Variants in ADGRB3 observed in about 807,000 individuals in gnomAD.
ADGRB3 encodes the protein brain-specific angiogenesis inhibitor 3.
Under a neutral mutation model 193.4 loss-of-function variants are expected in ADGRB3, and 37 were observed. The observed-to-expected ratio is 0.19, with a 90% CI of 0.15 to 0.25. The LOEUF is 0.25. ADGRB3 is among the 10% of genes least tolerant of loss of function. The pLI is 1.00. For missense variants in ADGRB3, 1,637 were observed against 1,852.9 expected (o/e 0.88, Z 2.14); for synonymous variants, 690 against 644.2 (o/e 1.07, Z -1.08).
At chr6:69,202,754 G>C (rs368739964) in intron 17 of ADGRB3, among the ~76,000 whole-genome samples, 2 of 152,016 alleles carry the variant, frequency 1.3e-5, no homozygotes, top group Non-Finnish European at 2.9e-5. Context: ...AAGAACAGAG[G>C]GCATTTGAGA....
At chr6:68,956,447 G>A (rs1768078405) in intron 7 of ADGRB3, among the ~76,000 whole-genome samples, 198 bp from the exon 8 acceptor site, 1 of 152,100 alleles carries the variant, frequency 6.6e-6, no homozygotes, top group African/African-American at 2.4e-5. Flanking sequence ...GTTTAGCACT[G>A]AGCTTGCACT....
At chr6:68,727,135 A>T (rs908368340) in intron 3 of ADGRB3, among the ~76,000 whole-genome samples, 2 of 151,584 alleles carry the variant, frequency 1.3e-5, no homozygotes, top group Non-Finnish European at 3.0e-5. Flanking sequence ...CAGCTTTGTC[A>T]TTCAATGATG....
At chr6:68,981,597 C>T (rs897727190) in intron 10 of ADGRB3, among the ~76,000 whole-genome samples, 1 of 151,550 alleles carries the variant, frequency 6.6e-6, no homozygotes, top group Non-Finnish European at 1.5e-5. Context: ...ATACTTTAGA[C>T]TTTACATGCC....
At chr6:68,937,095 T>G (rs1767505985) in intron 5 of ADGRB3, among the ~76,000 whole-genome samples, 1 of 152,212 alleles carries the variant, frequency 6.6e-6, no homozygotes, top group African/African-American at 2.4e-5. Flanking sequence ...GCAGTTTTTC[T>G]ATCACTTATC....
chr6:69,191,148 A>G (rs1765177973), intron 17 of ADGRB3, among the ~76,000 whole-genome samples: 1 of 152,204 alleles, frequency 6.6e-6, no homozygotes, highest in African/African-American at 2.4e-5. Flanking sequence ...TCCAAATATT[A>G]TGATTCTCAT....
At chr6:69,186,050 A>G (rs1323064824) in intron 17 of ADGRB3, among the ~76,000 whole-genome samples, 1 of 152,030 alleles carries the variant, frequency 6.6e-6, no homozygotes, top group Admixed American at 6.6e-5. Flanking sequence ...CTGGTAACCA[A>G]TTAGCTTTGC....
At chr6:69,268,250 T>C (rs1364750930) in intron 20 of ADGRB3, among the ~76,000 whole-genome samples, 1 of 152,174 alleles carries the variant, frequency 6.6e-6, no homozygotes, top group Middle Eastern at 3.2e-3. Flanking sequence ...GTTTTCGTAA[T>C]TCACAATTAT....
At chr6:68,816,704 A>G (rs1393539124) in intron 3 of ADGRB3, among the ~76,000 whole-genome samples, 1 of 152,048 alleles carries the variant, frequency 6.6e-6, no homozygotes, top group African/African-American at 2.4e-5. Flanking sequence ...TTTGCCTTAA[A>G]ATTATTAATA....
intron 3 of ADGRB3, among the ~76,000 whole-genome samples, chr6:68,679,106 A>G (rs911059666): frequency 2.0e-5 from 3 of 152,194 alleles, no homozygotes; most frequent in African/African-American, 7.2e-5. Flanking sequence ...TCTAAATTAT[A>G]TAGGAGTCAT....
chr6:69,177,199 C>T (rs1340521443), intron 17 of ADGRB3, among the ~76,000 whole-genome samples: 1 of 151,972 alleles, frequency 6.6e-6, no homozygotes, highest in Non-Finnish European at 1.5e-5. Context: ...TCTAGTTCTT[C>T]TGGCTGTGAT....
chr6:69,076,047 C>T lies in ADGRB3; in HGVS notation c.2480+9C>T. On this transcript the variant is annotated intron_variant, in intron 17 of 31. Coordinates refer to ENST00000370598, the MANE Select transcript of ADGRB3 (RefSeq NM_001704.3). ...TGGGATGACTCCAAAACGTAAGTGA[C>T]AGATGTTTTCCTACATTACTTTGGG... is the stretch of plus-strand genomic sequence containing the variant. 6.2e-7 allele frequency: 1 copy of T among 1,610,330 alleles called. No homozygotes were observed. The highest frequency in any genetic ancestry group is 8.5e-7 in the Non-Finnish European group (1 of 1,177,794).
chr6:69,035,716 T>A (rs1770848808), intron 13 of ADGRB3, among the ~76,000 whole-genome samples: 1 of 152,134 alleles, frequency 6.6e-6, no homozygotes, highest in Non-Finnish European at 1.5e-5. Context: ...GTTGTTTTAA[T>A]TTAGATAGGG....
chr6:68,845,920 G>A (rs182975590), intron 3 of ADGRB3, among the ~76,000 whole-genome samples: 106 of 152,262 alleles, frequency 7.0e-4, no homozygotes, highest in African/African-American at 2.4e-3. Context: ...GAATGATTTC[G>A]AGGGCTCAGA....
chr6:69,150,375 C>T (rs1383838320), intron 17 of ADGRB3, among the ~76,000 whole-genome samples: 1 of 152,126 alleles, frequency 6.6e-6, no homozygotes, highest in African/African-American at 2.4e-5. Context: ...AAAGTCTTTC[C>T]CCACAAACAC....
At chr6:68,874,317 C>G (rs1765532425) in intron 3 of ADGRB3, among the ~76,000 whole-genome samples, 1 of 151,988 alleles carries the variant, frequency 6.6e-6, no homozygotes, top group Non-Finnish European at 1.5e-5. Context: ...TTATTACATT[C>G]ACAGGTAACT....
At chr6:69,289,810 C>T (rs137880893) in intron 20 of ADGRB3, among the ~76,000 whole-genome samples, 162 of 151,604 alleles carry the variant, frequency 1.1e-3, no homozygotes, top group African/African-American at 3.8e-3. Context: ...TGTTCATCAC[C>T]GACTAAGGTG....
chr6:69,067,059 C>T (rs893352281), intron 16 of ADGRB3, among the ~76,000 whole-genome samples: 5 of 152,028 alleles, frequency 3.3e-5, no homozygotes, highest in Non-Finnish European at 7.4e-5. Flanking sequence ...CTTTGCAAGC[C>T]TGAAAATGCA....
intron 17 of ADGRB3, among the ~76,000 whole-genome samples, chr6:69,153,527 A>G (rs1162876378): frequency 6.6e-6 from 1 of 152,190 alleles, no homozygotes; most frequent in East Asian, 1.9e-4. Context: ...AGAAATGGGT[A>G]GTTCTTTTTC....
chr6:69,202,636 T>A (rs948703965), intron 17 of ADGRB3, among the ~76,000 whole-genome samples: 9 of 152,142 alleles, frequency 5.9e-5, no homozygotes, highest in African/African-American at 2.2e-4. Flanking sequence ...CAAGTAATAT[T>A]TAGAACTAAG....
Sources: gnomAD v4.1 joint callset for allele counts (sites outside exome capture counted in the v4.1 genomes callset) on GRCh38, gnomAD v4.1.1 for gene constraint, MANE v1.5 for transcripts, NCBI Gene and HGNC (gene_info 2026-07-23, HGNC 2026-07-21) for gene names.